Variants in DNAH5 observed in about 807,000 individuals in gnomAD.
DNAH5 encodes axonemal beta dynein heavy chain 5.
Under a neutral mutation model 518.2 loss-of-function variants are expected in DNAH5, and 372 were observed. The observed-to-expected ratio is 0.72, with a 90% CI of 0.66 to 0.78. The LOEUF is 0.78. DNAH5 is among the 30% of genes least tolerant of loss of function. The pLI is 0.00. For synonymous variants in DNAH5, 2,039 were observed against 2,025.9 expected, an observed-to-expected ratio of 1.01 and a Z score of -0.17; for missense variants, 5,523 against 5,687.0, an observed-to-expected ratio of 0.97 and a Z score of 0.93.
chr5:13,706,157 A>C (rs980498515), intron 76 of DNAH5, among the ~76,000 whole-genome samples: 3 of 152,220 alleles, frequency 2.0e-5, no homozygotes, highest in Non-Finnish European at 4.4e-5. Flanking sequence ...TGGCAATTGA[A>C]GCCAGTTGGA....
At chr5:13,750,759 T>C (rs1012611597) in intron 65 of DNAH5, among the ~76,000 whole-genome samples, 1 of 152,232 alleles carries the variant, frequency 6.6e-6, no homozygotes, top group Non-Finnish European at 1.5e-5. Flanking sequence ...TAGAACACAC[T>C]TTTCAGAACA....
chr5:13,823,992 G>A (rs981675300), intron 39 of DNAH5, among the ~76,000 whole-genome samples: 1 of 152,088 alleles, frequency 6.6e-6, no homozygotes, highest in African/African-American at 2.4e-5. Context: ...CAATTCTATT[G>A]GAATAGGCAC....
intron 35 of DNAH5, 103 bp from the exon 36 acceptor site, chr5:13,830,878 G>A: frequency 9.0e-7 from 1 of 1,106,584 alleles, no homozygotes; most frequent in Non-Finnish European, 1.4e-6. Flanking sequence ...AAAACAAAAG[G>A]CCATTGTCCC....
intron 64 of DNAH5, among the ~76,000 whole-genome samples, chr5:13,751,823 G>A (rs1359587681): frequency 6.6e-6 from 1 of 152,080 alleles, no homozygotes; most frequent in East Asian, 1.9e-4. Flanking sequence ...CCAAAGCAGG[G>A]GGCACCCAGG....
In DNAH5 at chr5:13,777,249, C is replaced by G. The variant is rs754288585; in HGVS notation, c.9058G>C (p.Asp3020His). 6.2e-7 allele frequency: 1 copy of G among 1,613,062 alleles called. No individual in the cohort carries two copies. Among genetic ancestry groups the G allele is most frequent in the South Asian group, 1.1e-5 (1 of 91,040 alleles). The change falls in exon 54 of 79, where the codon GAT (aspartate) becomes CAT (histidine). Residue 3020 changes from aspartate to histidine, a missense_variant. By Grantham distance (81) the Asp-to-His change is moderately conservative (BLOSUM62 -1). Coordinates refer to ENST00000265104, the MANE Select transcript of DNAH5 (RefSeq NM_001369.3). ...TTCATATATTCCAAAAATGACTCAT[C>G]TTTAATCTCATTGTCTGTGAAAATA... is the stretch of plus-strand genomic sequence containing the variant. ...TFIFTDNEIK[D>H]ESFLEYMNNV...
chr5:13,913,801 T>A lies in DNAH5; in HGVS notation c.1478A>T (p.Tyr493Phe). 6.2e-7 allele frequency: 1 copy of A among 1,613,648 alleles called. No homozygotes were observed. Among genetic ancestry groups the A allele is most frequent in the Non-Finnish European group, 8.5e-7 (1 of 1,179,602 alleles). The stretch of plus-strand genomic sequence containing the variant: ...AATTGTGGAATCTTGCAGGACTGAA[T>A]ACGTCTTGAGGGTTGTAAAGATGTC... Reference protein sequence around the residue: ...IIDIFTTLKTYSVLQDSTIEG... With the variant: ...IIDIFTTLKTFSVLQDSTIEG... The change falls in exon 11 of 79, where the codon TAT becomes TTT. Residue 493 changes from tyrosine (Y) to phenylalanine (F), a missense_variant. This residue lies in a region of DNAH5 where 5,121 missense variants were observed against 5,223.3 expected (regional missense o/e 0.98). Coordinates refer to ENST00000265104, the MANE Select transcript of DNAH5 (RefSeq NM_001369.3).
intron 27 of DNAH5, among the ~76,000 whole-genome samples, 170 bp from the exon 28 acceptor site, chr5:13,864,807 T>C (rs1200910782): frequency 6.6e-5 from 10 of 152,204 alleles, no homozygotes; most frequent in Admixed American, 6.5e-4. Flanking sequence ...ATGACTTTTA[T>C]ATTACAGAAA....
chr5:13,752,316 T>C, intron 63 of DNAH5, 27 bp from the exon 64 acceptor site: 1 of 1,613,462 alleles, frequency 6.2e-7, no homozygotes, highest in African/African-American at 1.3e-5. Flanking sequence ...AAGGTTGCTA[T>C]TGGCAGACAT....
intron 1 of DNAH5, among the ~76,000 whole-genome samples, chr5:14,008,159 G>A (rs1034923922): frequency 3.5e-5 from 5 of 143,854 alleles, no homozygotes; most frequent in South Asian, 2.2e-4. Flanking sequence ...GCGATAGAGC[G>A]AGAATCCGTC....
chr5:13,759,667 C>T (rs1320629598), intron 60 of DNAH5, among the ~76,000 whole-genome samples: 2 of 151,998 alleles, frequency 1.3e-5, no homozygotes, highest in African/African-American at 4.8e-5. Flanking sequence ...TTTAAAGAAG[C>T]TATTAAGATA....
intron 70 of DNAH5, among the ~76,000 whole-genome samples, chr5:13,722,099 C>A (rs114986956): frequency 6.6e-6 from 1 of 152,170 alleles, no homozygotes; most frequent in East Asian, 1.9e-4. Flanking sequence ...TTTCACATAA[C>A]TTAGGCGTGG....
chr5:13,799,406 G>A (rs1054481185), intron 47 of DNAH5, among the ~76,000 whole-genome samples: 1 of 151,238 alleles, frequency 6.6e-6, no homozygotes, highest in Admixed American at 6.6e-5. Context: ...GGGATAGTCA[G>A]AGTAATACAG....
In DNAH5 at chr5:13,798,743, TA is replaced by T. The variant is rs1758245366; in HGVS notation, c.7888-4686del. ...ATTTTCATCATGATTTTATTTATTT[TA>T]TTTATTTATTTATTTATTTATTTAT... On this transcript the variant is annotated intron_variant, in intron 47 of 78. Coordinates refer to ENST00000265104, the MANE Select transcript of DNAH5 (RefSeq NM_001369.3). Among the ~76,000 whole-genome samples the T allele has an allele frequency of 3.5e-4, 10 of 28,506 alleles. No homozygotes were observed. In the South Asian group the frequency reaches 5.3e-3, roughly 15 times the overall value. The allele number at this position is 28,506 out of a possible 152,430, so 18.7% of individuals were successfully genotyped here.
intron 5 of DNAH5, 52 bp from the exon 6 acceptor site, chr5:13,920,669 G>A: frequency 6.2e-7 from 1 of 1,604,110 alleles, no homozygotes; most frequent in Non-Finnish European, 8.5e-7. Context: ...AAAACACACA[G>A]ACTGTGGGCC....
intron 65 of DNAH5, 145 bp from the exon 66 acceptor site, chr5:13,737,640 A>T: frequency 1.1e-6 from 1 of 921,322 alleles, no homozygotes. Flanking sequence ...ATCAAAAAAG[A>T]AGGGCCGGGC....
rs201294504 is a variant in DNAH5, at chr5:13,924,120, G to A, written c.278-680C>T. 1.9e-4 allele frequency among the ~76,000 whole-genome samples: 29 copies of A among 152,228 alleles called. No homozygotes were observed. The East Asian group carries it at 2.5e-3, about 13-fold the overall frequency. The stretch of plus-strand genomic sequence containing the variant: ...GCCAATAGGTGGCAGAGCCAAGGTC[G>A]AAAACCAGCTCTGACTACAAAACTC... On this transcript the variant is annotated intron_variant, in intron 3 of 78. Transcript: ENST00000265104.
At position 13,832,743 on chromosome 5, in the gene DNAH5, C is replaced by T. The variant is rs1763836798; in HGVS notation, c.5883-1968G>A. Among the ~76,000 whole-genome samples, 6 of 152,328 alleles carry T rather than the reference C, an allele frequency of 3.9e-5. No homozygotes were observed. The South Asian group carries it at 1.2e-3, about 32-fold the overall frequency. On this transcript the variant is annotated intron_variant, in intron 35 of 78. Transcript: ENST00000265104. The stretch of plus-strand genomic sequence containing the variant: ...ATATGAACATTGGTTGAATAAATGG[C>T]TTGCGCTGATCCAGTCATTCATTCT...
intron 1 of DNAH5, among the ~76,000 whole-genome samples, chr5:13,962,490 T>C (rs1266822731): frequency 6.6e-6 from 1 of 152,120 alleles, no homozygotes; most frequent in Non-Finnish European, 1.5e-5. Flanking sequence ...AACCCAGATG[T>C]TAAAGAGAAA....
At position 13,751,141 on chromosome 5, in the gene DNAH5, G is replaced by A; in HGVS notation, c.11148C>T (p.Phe3716=). ...CTTCTAGACCTTTCATGGTGACAGT[G>A]AAGTCAATGATGGAGGTACGGGCAC... is the stretch of plus-strand genomic sequence containing the variant. ...EISARTSIID[F]TVTMKGLEDQ... Residue 3716 remains phenylalanine (F), a synonymous_variant, in exon 65 of 79, where the codon TTC becomes TTT. Coordinates refer to ENST00000265104, the MANE Select transcript of DNAH5 (RefSeq NM_001369.3). 6.2e-7 allele frequency: 1 copy of A among 1,614,022 alleles called. No homozygotes were observed. Among genetic ancestry groups the A allele is most frequent in the African/African-American group, 1.3e-5 (1 of 75,054 alleles).
Sources: allele counts gnomAD v4.1 joint callset (sites outside exome capture counted in the v4.1 genomes callset), GRCh38; gene constraint gnomAD v4.1.1; regional missense constraint gnomAD v4.1.1; transcripts MANE v1.5; gene names NCBI Gene and HGNC (gene_info 2026-07-23, HGNC 2026-07-21).